The following GLRA2 variants were observed in gnomAD, a reference collection of about 807,000 sequenced individuals.
GLRA2 encodes glycine receptor alpha 2.
In GLRA2, 11 loss-of-function variants were observed where a neutral mutation model predicts 31.6. The ratio of observed to expected loss-of-function variants is 0.35; its 90% CI spans 0.22 to 0.58. The LOEUF (loss-of-function observed/expected upper bound fraction) is 0.58. GLRA2 is among the 20% of genes least tolerant of loss of function. The pLI is 0.84. For missense variants in GLRA2, 212 were observed against 351.8 expected (o/e 0.60, Z 3.18); for synonymous variants, 132 against 134.0 (o/e 0.99, Z 0.10).
At chrX:14,651,182 C>T (rs1285049606) in intron 7 of GLRA2, among the ~76,000 whole-genome samples, 1 of 111,687 alleles carries the variant, frequency 9.0e-6, no homozygotes, top group Non-Finnish European at 1.9e-5. Flanking sequence ...CACACCAAGA[C>T]ATTTATCACT....
intron 1 of GLRA2, chrX:14,531,146 C>T (rs1430922273): frequency 3.2e-6 from 3 of 925,858 alleles, no homozygotes; most frequent in Non-Finnish European, 4.3e-6. Context: ...TCAAATAATA[C>T]TTGATTAATC....
At chrX:14,704,983 CA>C (rs748723818) in intron 8 of GLRA2, among the ~76,000 whole-genome samples, 10 of 111,962 alleles carry the variant, frequency 8.9e-5, no homozygotes, top group Non-Finnish European at 1.7e-4. Context: ...AGTGTACTTC[CA>C]GCTCTTAAGG....
At chrX:14,644,165 T>A (rs1448984066) in intron 7 of GLRA2, among the ~76,000 whole-genome samples, 2 of 111,740 alleles carry the variant, frequency 1.8e-5, no homozygotes, top group Non-Finnish European at 3.8e-5. Flanking sequence ...CTGACCTCCT[T>A]TGCCCTTCTT....
chrX:14,587,472 A>G (rs1406063160), intron 4 of GLRA2, among the ~76,000 whole-genome samples: 2 of 111,952 alleles, frequency 1.8e-5, no homozygotes, highest in Admixed American at 9.5e-5. Context: ...CTTTTTGATA[A>G]TAGCCATTCT....
intron 3 of GLRA2, among the ~76,000 whole-genome samples, chrX:14,580,386 CAAGTG>C (rs983734993): frequency 1.8e-5 from 2 of 111,955 alleles, no homozygotes; most frequent in Admixed American, 9.5e-5. Context: ...TCCAGATTAT[CAAGTG>C]AAGTAGTACT....
the GLRA2 span, among the ~76,000 whole-genome samples, chrX:14,517,187 A>G: frequency 8.9e-6 from 1 of 112,232 alleles, no homozygotes; most frequent in Non-Finnish European, 1.9e-5. Flanking sequence ...GAACAAGAGC[A>G]CCTAATTTTT....
chrX:14,681,911 A>ATATATATATATG (rs2091212891), intron 7 of GLRA2, among the ~76,000 whole-genome samples: 2 of 56,820 alleles, frequency 3.5e-5, no homozygotes, highest in African/African-American at 1.8e-4. Flanking sequence ...AAAAAAAAAA[A>ATATATATATATG]TATATATATA....
At chrX:14,460,747 T>G in the GLRA2 span, among the ~76,000 whole-genome samples, 1 of 111,934 alleles carries the variant, frequency 8.9e-6, no homozygotes, top group Non-Finnish European at 1.9e-5. Flanking sequence ...ATTCTTCTCT[T>G]TTCCTCTTTA....
chrX:14,616,777 C>T (rs1433181883), intron 7 of GLRA2, among the ~76,000 whole-genome samples: 2 of 111,999 alleles, frequency 1.8e-5, no homozygotes, highest in Non-Finnish European at 3.8e-5. Flanking sequence ...AAGTTGGAAA[C>T]AATTATTTTT....
chrX:14,669,283 C>A (rs759364809), intron 7 of GLRA2, among the ~76,000 whole-genome samples: 5 of 112,147 alleles, frequency 4.5e-5, no homozygotes, highest in Non-Finnish European at 9.4e-5. Context: ...TGGCTATTTT[C>A]ACAGGCTGGC....
intron 2 of GLRA2, among the ~76,000 whole-genome samples, chrX:14,573,849 A>C (rs2089917008): frequency 9.0e-6 from 1 of 110,726 alleles, no homozygotes; most frequent in Non-Finnish European, 1.9e-5. Flanking sequence ...GTAAATTCAG[A>C]GGTGTCAAGA....
At chrX:14,551,317 G>A (rs1005713116) in intron 2 of GLRA2, among the ~76,000 whole-genome samples, 7 of 111,865 alleles carry the variant, frequency 6.3e-5, no homozygotes, top group Non-Finnish European at 1.3e-4. Context: ...CATGCCTAAG[G>A]ATGTGTTTAT....
chrX:14,473,773 C>G, the GLRA2 span, among the ~76,000 whole-genome samples: 4 of 111,747 alleles, frequency 3.6e-5, no homozygotes, highest in African/African-American at 1.3e-4. Flanking sequence ...TTTCTGTGAT[C>G]AATTGCAGGT....
chrX:14,686,484 G>A (rs1351537779), intron 7 of GLRA2, among the ~76,000 whole-genome samples: 1 of 110,788 alleles, frequency 9.0e-6, no homozygotes, highest in East Asian at 2.8e-4. Flanking sequence ...CTTGCTTTAT[G>A]AATCTGGGTG....
intron 7 of GLRA2, among the ~76,000 whole-genome samples, chrX:14,634,395 G>A (rs966891266): frequency 8.9e-6 from 1 of 112,136 alleles, no homozygotes; most frequent in Non-Finnish European, 1.9e-5. Context: ...ACTAAGGAGT[G>A]TAATAGAAAA....
chrX:14,643,513 G>C (rs748567233), intron 7 of GLRA2, among the ~76,000 whole-genome samples: 20 of 111,831 alleles, frequency 1.8e-4, no homozygotes, highest in Non-Finnish European at 3.0e-4. Context: ...TCACTAGAAA[G>C]AGACTCCAAT....
At chrX:14,673,544 T>A (rs770496488) in intron 7 of GLRA2, among the ~76,000 whole-genome samples, 3 of 111,582 alleles carry the variant, frequency 2.7e-5, no homozygotes, top group African/African-American at 6.5e-5. Flanking sequence ...CATCCCACTA[T>A]AGGAGGCATA....
the GLRA2 span, among the ~76,000 whole-genome samples, chrX:14,467,329 C>T: frequency 8.9e-6 from 1 of 111,945 alleles, no homozygotes; most frequent in Non-Finnish European, 1.9e-5. Context: ...TGTTAAAATG[C>T]AGCCTGAGTA....
At chrX:14,721,703 C>T (rs760341824) in intron 8 of GLRA2, among the ~76,000 whole-genome samples, 2 of 111,291 alleles carry the variant, frequency 1.8e-5, no homozygotes, top group African/African-American at 6.5e-5. Context: ...GAGGACCCTT[C>T]GCAGGCTGAA....
Sources: gnomAD v4.1 joint callset for allele counts (sites outside exome capture counted in the v4.1 genomes callset) on GRCh38, gnomAD v4.1.1 for gene constraint, MANE v1.5 for transcripts, NCBI Gene and HGNC (gene_info 2026-07-23, HGNC 2026-07-21) for gene names.